Variants in GFRA1 observed in about 807,000 individuals in gnomAD.
GFRA1 encodes GDNF family receptor alpha-1.
GFRA1 carries 16 observed loss-of-function variants against 51.6 expected under a neutral mutation model. The observed-to-expected ratio is 0.31, with a 90% confidence interval of 0.21 to 0.47. The LOEUF (loss-of-function observed/expected upper bound fraction) is 0.47, where lower values mean the gene tolerates loss of function less well. Ranked by LOEUF, GFRA1 falls within the 20% of genes least tolerant of loss-of-function variation. GFRA1 has a pLI of 1.00. For synonymous variants in GFRA1, 270 were observed against 241.3 expected, an observed-to-expected ratio of 1.12 and a Z score of -1.10; for missense variants, 530 against 594.3, an observed-to-expected ratio of 0.89 and a Z score of 1.13.
At chr10:116,115,559 T>C (rs577377042) in intron 6 of GFRA1, among the ~76,000 whole-genome samples, 39 of 152,082 alleles carry the variant, frequency 2.6e-4, no homozygotes, top group African/African-American at 8.2e-4. Context: ...CAGGACATGC[T>C]CCTCTCCTTA....
intron 4 of GFRA1, among the ~76,000 whole-genome samples, chr10:116,226,357 C>T (rs1246028322): frequency 2.6e-5 from 4 of 152,156 alleles, no homozygotes; most frequent in South Asian, 2.1e-4. Context: ...CGAAGAGTCA[C>T]GATCAAAGGG....
intron 5 of GFRA1, among the ~76,000 whole-genome samples, chr10:116,150,242 G>C (rs371441609): frequency 2.0e-5 from 3 of 152,072 alleles, no homozygotes; most frequent in East Asian, 1.9e-4. Context: ...AGTGGTCCTT[G>C]GAGTCCAGAT....
Position 116,093,714 on chromosome 10 carries a change from T to C in GFRA1, c.1003A>G (p.Asn335Asp). Residue 335 changes from asparagine (N) to aspartate (D), a missense_variant, in exon 8 of 11, where the codon AAT becomes GAT. Physicochemically the swap from Asn to Asp is conservative, Grantham distance 23. Transcript: ENST00000355422. ...TTTACAAACTCACTAAGACATGTAT[T>C]GTCCTTGAAGAAATTCAAAAATTTC... The part of the protein sequence containing the change: ...CLKFLNFFKD[N>D]TCLKNAIQAF... The C allele has an allele frequency of 6.2e-7, 1 of 1,613,962 alleles. No homozygotes were observed. Among genetic ancestry groups the C allele is most frequent in the Non-Finnish European group, 8.5e-7 (1 of 1,179,804 alleles).
chr10:116,194,551 A>G (rs933896479), intron 5 of GFRA1, among the ~76,000 whole-genome samples: 1 of 152,224 alleles, frequency 6.6e-6, no homozygotes, highest in Non-Finnish European at 1.5e-5. Flanking sequence ...TTTCTGAATG[A>G]TTAAGTATTC....
chr10:116,202,266 G>T (rs971479960), intron 5 of GFRA1, among the ~76,000 whole-genome samples: 10 of 152,280 alleles, frequency 6.6e-5, no homozygotes, highest in Middle Eastern at 3.4e-3. Flanking sequence ...GGGGTGGGGT[G>T]AGTCAGAGGC....
intron 6 of GFRA1, among the ~76,000 whole-genome samples, chr10:116,112,534 A>G (rs950004621): frequency 6.6e-6 from 1 of 152,196 alleles, no homozygotes; most frequent in Non-Finnish European, 1.5e-5. Flanking sequence ...CCAAGCCCCT[A>G]CTTGGTAAGA....
intron 8 of GFRA1, among the ~76,000 whole-genome samples, chr10:116,093,395 T>C (rs937168011): frequency 2.0e-5 from 3 of 152,214 alleles, no homozygotes; most frequent in Non-Finnish European, 2.9e-5. Context: ...TCCCACATAA[T>C]GTACCCTTAG....
intron 5 of GFRA1, among the ~76,000 whole-genome samples, chr10:116,131,017 A>G (rs1269396069): frequency 6.6e-6 from 1 of 152,200 alleles, no homozygotes; most frequent in African/African-American, 2.4e-5. Flanking sequence ...TTCACAAAAC[A>G]TACGTCTGAC....
Position 116,125,093 on chromosome 10 carries a change from C to G in GFRA1, c.770+128G>C, listed in dbSNP as rs571471399. Reference sequence around the variant, plus strand: ...GAGGTCAGATTTTTGCCAATCCATTCAAATGGACTGGGCTCCCCTCCCTCC... The same window carrying G: ...GAGGTCAGATTTTTGCCAATCCATTGAAATGGACTGGGCTCCCCTCCCTCC... On this transcript the variant is annotated intron_variant, in intron 6 of 10. Coordinates refer to ENST00000355422, the MANE Select transcript of GFRA1 (RefSeq NM_005264.8). 5.4e-5 allele frequency: 44 copies of G among 820,770 alleles called. No individual in the cohort carries two copies. In the African/African-American group the frequency reaches 7.3e-4, roughly 14 times the overall value. 50.8% of individuals were successfully genotyped at this position (820,770 alleles called of 1,614,324 possible). A position where few individuals can be genotyped will look rare whatever the true frequency, so the allele number is the denominator to read the frequency against.
intron 9 of GFRA1, among the ~76,000 whole-genome samples, chr10:116,085,911 C>T (rs547943112): frequency 3.6e-4 from 55 of 152,298 alleles, no homozygotes; most frequent in Non-Finnish European, 5.9e-4. Flanking sequence ...CTAAGACATG[C>T]GGCTCTCTCA....
chr10:116,165,665 T>TCACACACACACA (rs56684075), intron 5 of GFRA1, among the ~76,000 whole-genome samples: 3,052 of 149,514 alleles, frequency 0.02, 45 homozygotes, highest in African/African-American at 0.025. Flanking sequence ...TCTCTCACTC[T>TCACACACACACA]CACACACACA....
intron 4 of GFRA1, among the ~76,000 whole-genome samples, chr10:116,242,504 C>G (rs1157294719): frequency 6.7e-6 from 1 of 149,368 alleles, no homozygotes; most frequent in East Asian, 2.0e-4. Context: ...TTTTTTGAGA[C>G]AGAATCGTGA....
chr10:116,162,451 G>A (rs920528396), intron 5 of GFRA1, among the ~76,000 whole-genome samples: 1 of 152,186 alleles, frequency 6.6e-6, no homozygotes, highest in African/African-American at 2.4e-5. Context: ...TCGCATCCTT[G>A]GCAGGACTTC....
chr10:116,165,274 C>T (rs971896392), intron 5 of GFRA1, among the ~76,000 whole-genome samples: 1 of 152,180 alleles, frequency 6.6e-6, no homozygotes, highest in African/African-American at 2.4e-5. Flanking sequence ...GACATTTTGT[C>T]TCCATCTCTC....
intron 9 of GFRA1, among the ~76,000 whole-genome samples, chr10:116,081,111 G>A (rs1955830282): frequency 6.6e-6 from 1 of 152,146 alleles, no homozygotes; most frequent in Non-Finnish European, 1.5e-5. Context: ...CCTGATTTCT[G>A]TGAATCATTC....
At chr10:116,259,433 G>A (rs573849434) in intron 4 of GFRA1, among the ~76,000 whole-genome samples, 21 of 151,200 alleles carry the variant, frequency 1.4e-4, no homozygotes, top group Admixed American at 8.6e-4. Flanking sequence ...ACACTGAAAT[G>A]AAAAAAGATA....
At chr10:116,132,299 G>A (rs901547947) in intron 5 of GFRA1, among the ~76,000 whole-genome samples, 2 of 152,140 alleles carry the variant, frequency 1.3e-5, no homozygotes, top group Admixed American at 1.3e-4. Context: ...GTGCTGAAGC[G>A]TTTAGGGGCA....
chr10:116,228,916 G>A (rs886878390), intron 4 of GFRA1, among the ~76,000 whole-genome samples: 1 of 139,290 alleles, frequency 7.2e-6, no homozygotes, highest in African/African-American at 2.7e-5. Context: ...GGGAGATGCA[G>A]GTTGCAGTGA....
chr10:116,128,893 G>A (rs979149911), intron 5 of GFRA1, among the ~76,000 whole-genome samples: 1 of 152,068 alleles, frequency 6.6e-6, no homozygotes, highest in African/African-American at 2.4e-5. Flanking sequence ...TTGGAACAGG[G>A]TGAATCATTT....
Sources: gnomAD v4.1 joint callset for allele counts (sites outside exome capture counted in the v4.1 genomes callset) on GRCh38, gnomAD v4.1.1 for gene constraint, MANE v1.5 for transcripts, NCBI Gene and HGNC (gene_info 2026-07-23, HGNC 2026-07-21) for gene names.